The following IMMP2L variants were observed in gnomAD, a reference collection of about 807,000 sequenced individuals.
IMMP2L encodes the protein inner mitochondrial membrane peptidase subunit 2, also known as mitochondrial inner membrane protease subunit 2.
A neutral mutation model predicts 19.3 loss-of-function variants in IMMP2L; 18 were observed. The ratio of observed to expected loss-of-function variants is 0.93; its 90% CI spans 0.64 to 1.38. The LOEUF is 1.38. Ranked by LOEUF, IMMP2L falls within the 40% of genes most tolerant of loss-of-function variation. The pLI is 0.00. For synonymous variants in IMMP2L, 76 were observed against 73.0 expected (o/e 1.04, Z -0.21); for missense variants, 233 against 218.2 (o/e 1.07, Z -0.43).
chr7:111,011,221 T>A (rs1295495911), intron 3 of IMMP2L, among the ~76,000 whole-genome samples: 5 of 152,124 alleles, frequency 3.3e-5, no homozygotes, highest in African/African-American at 4.8e-5. Flanking sequence ...AGATTAATCA[T>A]GTTGAATTAT....
At chr7:110,762,500 G>A (rs973584060) in intron 5 of IMMP2L, among the ~76,000 whole-genome samples, 9 of 152,006 alleles carry the variant, frequency 5.9e-5, no homozygotes, top group South Asian at 2.1e-4. Context: ...ATCAACTCCC[G>A]TCTAGGCCTG....
intron 2 of IMMP2L, among the ~76,000 whole-genome samples, chr7:111,502,456 T>A (rs1563279096): frequency 6.6e-6 from 1 of 152,128 alleles, no homozygotes; most frequent in Non-Finnish European, 1.5e-5. Flanking sequence ...AACTCACCTC[T>A]GCCCCAAGCA....
At chr7:110,869,744 A>G (rs930976430) in intron 5 of IMMP2L, among the ~76,000 whole-genome samples, 1 of 152,126 alleles carries the variant, frequency 6.6e-6, no homozygotes. Flanking sequence ...AAAATTTGGG[A>G]AACAGTGCTA....
chr7:110,940,205 G>C (rs530044994), intron 4 of IMMP2L, among the ~76,000 whole-genome samples: 1 of 151,882 alleles, frequency 6.6e-6, no homozygotes, highest in Non-Finnish European at 1.5e-5. Flanking sequence ...TGTAATCCTA[G>C]CTTATTGGGA....
intron 3 of IMMP2L, chr7:111,390,576 C>T (rs1280258876): frequency 6.6e-6 from 1 of 152,114 alleles, no homozygotes; most frequent in Non-Finnish European, 1.5e-5. Context: ...TTTACCTTCT[C>T]ATGCGGTGTG....
intron 3 of IMMP2L, among the ~76,000 whole-genome samples, chr7:111,472,908 C>T (rs975843138): frequency 2.0e-5 from 3 of 146,794 alleles, no homozygotes; most frequent in Non-Finnish European, 4.5e-5. Context: ...CCAGCCTGGC[C>T]AACATGGCGA....
intron 3 of IMMP2L, among the ~76,000 whole-genome samples, chr7:111,069,667 A>C (rs1794787665): frequency 6.6e-6 from 1 of 152,128 alleles, no homozygotes; most frequent in African/African-American, 2.4e-5. Flanking sequence ...TCTCTGCAGT[A>C]TTGCTCATAA....
chr7:111,011,571 G>A (rs1824960688), intron 3 of IMMP2L, among the ~76,000 whole-genome samples: 2 of 152,082 alleles, frequency 1.3e-5, no homozygotes, highest in Non-Finnish European at 1.5e-5. Flanking sequence ...TTCTTTTCTG[G>A]ACCAGGATCA....
intron 3 of IMMP2L, among the ~76,000 whole-genome samples, chr7:111,401,733 C>T (rs188456535): frequency 1.3e-5 from 2 of 151,988 alleles, no homozygotes; most frequent in Admixed American, 1.3e-4. Flanking sequence ...AACTGGTAAA[C>T]CACGGACTGC....
chr7:111,200,683 A>G (rs1810006186), intron 3 of IMMP2L, among the ~76,000 whole-genome samples: 2 of 152,194 alleles, frequency 1.3e-5, no homozygotes, highest in South Asian at 4.1e-4. Flanking sequence ...ATAAATATCT[A>G]TATCCATAAT....
At chr7:110,703,282 A>G (rs1184091962) in intron 5 of IMMP2L, among the ~76,000 whole-genome samples, 2 of 152,064 alleles carry the variant, frequency 1.3e-5, no homozygotes, top group African/African-American at 4.8e-5. Context: ...GATAATCCCC[A>G]TTTGGTAACA....
chr7:110,989,235 A>G (rs892064407), intron 3 of IMMP2L, among the ~76,000 whole-genome samples: 4 of 150,732 alleles, frequency 2.7e-5, no homozygotes, highest in African/African-American at 7.3e-5. Flanking sequence ...AACTGTCTCA[A>G]AAAAAAAGAT....
At chr7:110,834,378 TA>T (rs1804242961) in intron 5 of IMMP2L, among the ~76,000 whole-genome samples, 1 of 106,204 alleles carries the variant, frequency 9.4e-6, no homozygotes, top group Non-Finnish European at 2.2e-5. Context: ...GTGTGTGTGT[TA>T]TATGCAACTT....
chr7:110,858,677 T>C (rs917109973), intron 5 of IMMP2L, among the ~76,000 whole-genome samples: 3 of 152,072 alleles, frequency 2.0e-5, no homozygotes, highest in Non-Finnish European at 4.4e-5. Flanking sequence ...TATGTATACA[T>C]GTGCCATGCT....
In IMMP2L at chr7:110,848,653, T is replaced by C. The variant is rs201325392; in HGVS notation, c.408+37940A>G. Among the ~76,000 whole-genome samples the C allele has an allele frequency of 5.3e-5, 8 of 152,222 alleles. No individual in the cohort carries two copies. In the East Asian group the frequency reaches 1.5e-3, roughly 29 times the overall value. ...CATAACTTCCAAAACTGGGAAGCAA[T>C]CAACATGTCTTTCAGCAGGTAAATG... On this transcript the variant is annotated intron_variant, in intron 5 of 5. Transcript: ENST00000405709.
intron 4 of IMMP2L, among the ~76,000 whole-genome samples, chr7:110,908,878 T>C (rs1287344355): frequency 6.6e-6 from 1 of 152,172 alleles, no homozygotes; most frequent in Non-Finnish European, 1.5e-5. Context: ...GATGCAAAAA[T>C]GTGCAAAAAC....
intron 5 of IMMP2L, among the ~76,000 whole-genome samples, chr7:110,669,533 A>T (rs1367271898): frequency 6.6e-6 from 1 of 152,194 alleles, no homozygotes; most frequent in Non-Finnish European, 1.5e-5. Flanking sequence ...CTGACACATA[A>T]AATTCACCAT....
intron 3 of IMMP2L, among the ~76,000 whole-genome samples, chr7:111,183,705 T>C (rs1255521777): frequency 2.0e-5 from 3 of 152,094 alleles, no homozygotes; most frequent in Admixed American, 1.3e-4. Flanking sequence ...TTTGTTGTTG[T>C]TGTTGTTAAG....
chr7:111,440,194 A>C (rs990317698), intron 3 of IMMP2L, among the ~76,000 whole-genome samples: 1 of 151,878 alleles, frequency 6.6e-6, no homozygotes, highest in South Asian at 2.1e-4. Context: ...ATGAATCATG[A>C]ATCACAAATC....
Sources: gnomAD v4.1 joint callset for allele counts (sites outside exome capture counted in the v4.1 genomes callset) on GRCh38, gnomAD v4.1.1 for gene constraint, MANE v1.5 for transcripts, NCBI Gene and HGNC (gene_info 2026-07-23, HGNC 2026-07-21) for gene names.